EDN1: variants seen among roughly 807,000 people sequenced by gnomAD.
The protein encoded by EDN1 is endothelin 1.
Under a neutral mutation model 21.7 loss-of-function variants are expected in EDN1, and 11 were observed. The observed-to-expected ratio is 0.51, with a 90% confidence interval of 0.32 to 0.84. The LOEUF (loss-of-function observed/expected upper bound fraction) is 0.84. Ranked by LOEUF, EDN1 falls within the 40% of genes least tolerant of loss-of-function variation. The pLI, the probability that EDN1 is intolerant of heterozygous loss-of-function variation, is 0.03. For synonymous variants in EDN1, 85 were observed against 90.6 expected, an observed-to-expected ratio of 0.94 and a Z score of 0.35; for missense variants, 244 against 262.3, an observed-to-expected ratio of 0.93 and a Z score of 0.48.
rs1762821439 is a variant in EDN1, at chr6:12,296,217, A to C, written c.*150A>C. 1 of 716,852 alleles carries C rather than the reference A, an allele frequency of 1.4e-6. No homozygotes were observed. The highest frequency in any genetic ancestry group is 1.5e-5 in the South Asian group (1 of 68,364). 44.4% of individuals were successfully genotyped at this position (716,852 alleles called of 1,614,324 possible). On this transcript the variant is annotated 3_prime_UTR_variant, in exon 5 of 5. Transcript: ENST00000379375. ...CCAGCGTCCTCGTTCAAAACATTCC[A>C]AGAAAGGTTAAGGAGTTCCCCCAAC...
the EDN1 span, among the ~76,000 whole-genome samples, chr6:12,232,148 GTTTATA>G: frequency 0.26 from 36,097 of 140,542 alleles, 4,887 homozygotes; most frequent in Non-Finnish European, 0.32. Flanking sequence ...ATAATAAAGT[GTTTATA>G]TTTATAATAT....
chr6:12,273,327 A>G, the EDN1 span, among the ~76,000 whole-genome samples: 9 of 152,320 alleles, frequency 5.9e-5, no homozygotes, highest in South Asian at 1.7e-3. Flanking sequence ...TATTATGGCT[A>G]GGATAGGATA....
the EDN1 span, among the ~76,000 whole-genome samples, chr6:12,283,142 C>T: frequency 6.6e-6 from 1 of 152,168 alleles, no homozygotes; most frequent in African/African-American, 2.4e-5. Flanking sequence ...ATTAAATTTG[C>T]ATTTTCAAAT....
the EDN1 span, among the ~76,000 whole-genome samples, chr6:12,280,578 C>T: frequency 6.6e-6 from 1 of 152,198 alleles, no homozygotes; most frequent in South Asian, 2.1e-4. Flanking sequence ...ATATCTACAA[C>T]TCAAAAGAAA....
the EDN1 span, among the ~76,000 whole-genome samples, chr6:12,285,102 A>C: frequency 6.6e-6 from 1 of 152,176 alleles, no homozygotes. Context: ...ATTAACAAAC[A>C]ATAATATCCT....
At chr6:12,250,910 T>G in the EDN1 span, among the ~76,000 whole-genome samples, 1 of 152,194 alleles carries the variant, frequency 6.6e-6, no homozygotes, top group African/African-American at 2.4e-5. Context: ...TATCCACACA[T>G]TAATTGCCTC....
At chr6:12,293,834 G>T (rs1762751869) in intron 2 of EDN1, 107 bp from the exon 3 acceptor site, 1 of 1,262,808 alleles carries the variant, frequency 7.9e-7, no homozygotes, top group East Asian at 2.5e-5. Context: ...GCTCCCAAGT[G>T]CTATGTGATG....
the EDN1 span, among the ~76,000 whole-genome samples, chr6:12,268,711 AC>A: frequency 6.6e-6 from 1 of 152,272 alleles, no homozygotes. Flanking sequence ...TGTTTTGGTT[AC>A]TATAGACTTG....
chr6:12,247,365 T>C, the EDN1 span, among the ~76,000 whole-genome samples: 1 of 152,066 alleles, frequency 6.6e-6, no homozygotes, highest in Admixed American at 6.6e-5. Context: ...CTGTATAACA[T>C]GGAATGATAC....
upstream of EDN1, among the ~76,000 whole-genome samples, chr6:12,288,016 C>G (rs1333499478): frequency 6.6e-6 from 1 of 151,954 alleles, no homozygotes; most frequent in African/African-American, 2.4e-5. Context: ...TTCATTTTGC[C>G]CCACTTCTCC....
upstream of EDN1, among the ~76,000 whole-genome samples, chr6:12,286,176 A>G (rs1762556821): frequency 6.6e-6 from 1 of 152,260 alleles, no homozygotes; most frequent in Admixed American, 6.5e-5. Flanking sequence ...ATGCTAGATT[A>G]GAGAATTGGA....
At chr6:12,254,023 G>A in the EDN1 span, among the ~76,000 whole-genome samples, 1 of 151,950 alleles carries the variant, frequency 6.6e-6, no homozygotes, top group African/African-American at 2.4e-5. Context: ...CCTCCTGCTT[G>A]TTTTCATCAA....
At chr6:12,284,570 G>A in the EDN1 span, among the ~76,000 whole-genome samples, 11 of 138,910 alleles carry the variant, frequency 7.9e-5, no homozygotes, top group Non-Finnish European at 1.7e-4. Context: ...GGAAAAGCAA[G>A]CAAGCAAGCA....
chr6:12,262,614 G>A, the EDN1 span, among the ~76,000 whole-genome samples: 1 of 152,204 alleles, frequency 6.6e-6, no homozygotes, highest in Admixed American at 6.5e-5. Flanking sequence ...GCTCATGCCT[G>A]TAATCCCAGC....
At chr6:12,238,171 C>CAAAAAA in the EDN1 span, among the ~76,000 whole-genome samples, 1 of 104,450 alleles carries the variant, frequency 9.6e-6, no homozygotes, top group Non-Finnish European at 1.9e-5. Flanking sequence ...GACTCTATCT[C>CAAAAAA]AAAAAAAAAA....
the EDN1 span, among the ~76,000 whole-genome samples, chr6:12,255,468 A>C: frequency 7.2e-5 from 11 of 152,224 alleles, no homozygotes; most frequent in African/African-American, 2.7e-4. Context: ...TAAAGAGTAG[A>C]GGTACTCTCT....
chr6:12,286,798 C>T (rs1188523767), upstream of EDN1, among the ~76,000 whole-genome samples: 2 of 152,138 alleles, frequency 1.3e-5, no homozygotes, highest in Non-Finnish European at 2.9e-5. Flanking sequence ...CAAATACTTT[C>T]CAGCATTCAA....
chr6:12,257,040 A>AAG, the EDN1 span, among the ~76,000 whole-genome samples: 64,665 of 151,926 alleles, frequency 0.43, 13,843 homozygotes, highest in East Asian at 0.52. Flanking sequence ...GAGTATGAAA[A>AAG]AGAGTAAGAG....
At chr6:12,276,023 G>A in the EDN1 span, among the ~76,000 whole-genome samples, 12 of 152,042 alleles carry the variant, frequency 7.9e-5, no homozygotes, top group East Asian at 2.1e-3. Context: ...TCAGCTGGGC[G>A]TGGTGGTGGG....
Sources: allele counts gnomAD v4.1 joint callset (sites outside exome capture counted in the v4.1 genomes callset), GRCh38; gene constraint gnomAD v4.1.1; transcripts MANE v1.5; gene names NCBI Gene and HGNC (gene_info 2026-07-23, HGNC 2026-07-21).